The following NCAM2 variants were observed in gnomAD, a reference collection of about 807,000 sequenced individuals.
NCAM2 encodes neural cell adhesion molecule 2.
A neutral mutation model predicts 98.1 loss-of-function variants in NCAM2; 30 were observed. The ratio of observed to expected loss-of-function variants is 0.31; its 90% CI spans 0.23 to 0.41. The LOEUF (loss-of-function observed/expected upper bound fraction) is 0.41. Among genes scored for constraint, NCAM2 ranks in the 10% least tolerant of loss-of-function variants. The pLI, the probability that NCAM2 is intolerant of heterozygous loss-of-function variation, is 1.00. For missense variants in NCAM2, 867 were observed against 1,005.8 expected, an observed-to-expected ratio of 0.86 and a Z score of 1.87; for synonymous variants, 368 against 342.4, an observed-to-expected ratio of 1.07 and a Z score of -0.83.
intron 8 of NCAM2, among the ~76,000 whole-genome samples, chr21:21,364,921 CA>C (rs1400186189): frequency 6.6e-6 from 1 of 151,984 alleles, no homozygotes; most frequent in Non-Finnish European, 1.5e-5. Flanking sequence ...AACAACAAAA[CA>C]AAATGTACAA....
chr21:21,058,232 A>C (rs938876668), intron 1 of NCAM2, among the ~76,000 whole-genome samples: 12 of 148,212 alleles, frequency 8.1e-5, no homozygotes, highest in Non-Finnish European at 1.3e-4. Context: ...GATATAAAAC[A>C]GCAGTTTGCT....
intron 1 of NCAM2, among the ~76,000 whole-genome samples, chr21:21,185,675 T>C (rs1473391810): frequency 1.3e-5 from 2 of 152,150 alleles, no homozygotes; most frequent in African/African-American, 4.8e-5. Context: ...AAATAAAGTA[T>C]ATTCATAGCA....
At chr21:21,511,542 A>T (rs1413709321) in intron 16 of NCAM2, among the ~76,000 whole-genome samples, 1 of 151,920 alleles carries the variant, frequency 6.6e-6, no homozygotes, top group Non-Finnish European at 1.5e-5. Context: ...TATTCTGAAT[A>T]TTGCTGCAAT....
At chr21:21,134,834 C>A (rs1190111212) in intron 1 of NCAM2, among the ~76,000 whole-genome samples, 2 of 151,902 alleles carry the variant, frequency 1.3e-5, no homozygotes, top group African/African-American at 4.8e-5. Flanking sequence ...CCACCTCAGC[C>A]TCCTCAGCAG....
At chr21:21,177,875 T>A (rs1046145577) in intron 1 of NCAM2, among the ~76,000 whole-genome samples, 4 of 152,094 alleles carry the variant, frequency 2.6e-5, no homozygotes, top group African/African-American at 9.7e-5. Flanking sequence ...ATCTTCCTTG[T>A]TGTATTGACC....
intron 9 of NCAM2, among the ~76,000 whole-genome samples, chr21:21,409,368 G>C (rs566260038): frequency 2.4e-4 from 37 of 152,206 alleles, no homozygotes; most frequent in Middle Eastern, 3.4e-3. Context: ...GTAAGAATAG[G>C]AACTGGTTAC....
intron 12 of NCAM2, among the ~76,000 whole-genome samples, chr21:21,454,746 T>C (rs1981868449): frequency 1.3e-5 from 2 of 152,072 alleles, no homozygotes; most frequent in South Asian, 2.1e-4. Context: ...TAAATATAAG[T>C]GTTAGCTTTC....
intron 5 of NCAM2, among the ~76,000 whole-genome samples, chr21:21,322,618 G>A (rs1374576031): frequency 6.6e-6 from 1 of 152,160 alleles, no homozygotes; most frequent in East Asian, 1.9e-4. Flanking sequence ...CTGTGCTTGA[G>A]TGGAGTTAGT....
intron 9 of NCAM2, among the ~76,000 whole-genome samples, chr21:21,409,268 T>G (rs932226157): frequency 2.0e-4 from 31 of 152,142 alleles, no homozygotes; most frequent in African/African-American, 6.3e-4. Flanking sequence ...GTTTTCACAT[T>G]TAGATTTTTA....
intron 1 of NCAM2, among the ~76,000 whole-genome samples, chr21:21,196,186 G>A (rs543035747): frequency 5.3e-5 from 8 of 152,154 alleles, no homozygotes; most frequent in African/African-American, 1.9e-4. Context: ...CCTCCTTCTG[G>A]GAGTTTTGTC....
At chr21:21,537,748 A>G (rs1990059002) in intron 17 of NCAM2, 98 bp from the exon 18 acceptor site, 2 of 543,112 alleles carry the variant, frequency 3.7e-6, no homozygotes, top group Non-Finnish European at 6.6e-6. Flanking sequence ...TTAGCATATT[A>G]TTGGAGCATA....
At chr21:21,000,813 G>A (rs1465039107) in intron 1 of NCAM2, among the ~76,000 whole-genome samples, 1 of 152,134 alleles carries the variant, frequency 6.6e-6, no homozygotes, top group African/African-American at 2.4e-5. Flanking sequence ...TCATCCTGGA[G>A]TCCAATTCCT....
At chr21:21,363,705 T>C (rs1186948384) in intron 8 of NCAM2, among the ~76,000 whole-genome samples, 2 of 152,068 alleles carry the variant, frequency 1.3e-5, no homozygotes, top group Non-Finnish European at 2.9e-5. Flanking sequence ...ATAGAAAATA[T>C]ACTATTCCTG....
intron 1 of NCAM2, among the ~76,000 whole-genome samples, chr21:21,171,156 A>T (rs2068112351): frequency 6.6e-6 from 1 of 152,206 alleles, no homozygotes; most frequent in Non-Finnish European, 1.5e-5. Flanking sequence ...CTTGAAAATG[A>T]TGATGGGATT....
At chr21:21,028,124 A>G in intron 1 of NCAM2, among the ~76,000 whole-genome samples, 1 of 152,160 alleles carries the variant, frequency 6.6e-6, no homozygotes, top group Admixed American at 6.5e-5. Flanking sequence ...CGGCCTCCCA[A>G]ACTGCTGGGA....
intron 16 of NCAM2, among the ~76,000 whole-genome samples, chr21:21,531,479 T>A (rs933753643): frequency 4.3e-3 from 1 of 230 alleles, no homozygotes; most frequent in Non-Finnish European, 9.8e-3. Flanking sequence ...AACTAAGCAA[T>A]TCCGAAGGAT....
chr21:21,389,627 T>C (rs150612493), intron 9 of NCAM2, among the ~76,000 whole-genome samples: 228 of 152,296 alleles, frequency 1.5e-3, no homozygotes, highest in African/African-American at 5.3e-3. Flanking sequence ...ACCATTCTAT[T>C]CTTCCTCCAT....
rs142678160 is a variant in NCAM2 at position 21,292,496 on chromosome 21, G to A, written c.619+255G>A. Reference sequence around the variant, plus strand: ...TATATGTGAGTAATTGCCTTTTGCTGGAATTGTAGTTGTTGAAAGAATATC... The same window carrying A: ...TATATGTGAGTAATTGCCTTTTGCTAGAATTGTAGTTGTTGAAAGAATATC... On this transcript the variant is annotated intron_variant, in intron 5 of 17. Transcript: ENST00000400546. Among the ~76,000 whole-genome samples, 442 of 151,864 alleles carry A rather than the reference G, an allele frequency of 2.9e-3. 3 individuals are homozygous for A. The highest frequency in any genetic ancestry group is 0.01 in the African/African-American group (423 of 41,440).
At chr21:21,233,925 G>A (rs2070723162) in intron 1 of NCAM2, among the ~76,000 whole-genome samples, 2 of 151,672 alleles carry the variant, frequency 1.3e-5, no homozygotes, top group Admixed American at 6.6e-5. Context: ...ACTTTTGAAA[G>A]AAGTTATAAT....
Sources: allele counts gnomAD v4.1 joint callset (sites outside exome capture counted in the v4.1 genomes callset), GRCh38; gene constraint gnomAD v4.1.1; transcripts MANE v1.5; gene names NCBI Gene and HGNC (gene_info 2026-07-23, HGNC 2026-07-21).